YLPM1: variants seen among roughly 807,000 people sequenced by gnomAD.
YLPM1 encodes the protein YLP motif-containing protein 1.
YLPM1 carries 99 observed loss-of-function variants against 230.0 expected under a neutral mutation model. The observed-to-expected ratio is 0.43, with a 90% CI of 0.37 to 0.51. The LOEUF (loss-of-function observed/expected upper bound fraction) is 0.51, where lower values mean the gene tolerates loss of function less well. Ranked by LOEUF, YLPM1 falls within the 20% of genes least tolerant of loss-of-function variation. The pLI is 0.00. For missense variants in YLPM1, 2,592 were observed against 2,707.7 expected (o/e 0.96, Z 0.95); for synonymous variants, 984 against 942.5 (o/e 1.04, Z -0.81).
intron 6 of YLPM1, among the ~76,000 whole-genome samples, chr14:74,806,062 A>G (rs191007516): frequency 1.4e-3 from 214 of 150,638 alleles, no homozygotes; most frequent in African/African-American, 5.0e-3. Flanking sequence ...GCTCTCTATA[A>G]TAGTTGTATA....
chr14:74,825,246 C>T (rs918005954), intron 18 of YLPM1, among the ~76,000 whole-genome samples: 2 of 152,114 alleles, frequency 1.3e-5, no homozygotes, highest in Admixed American at 1.3e-4. Flanking sequence ...CAGAGGAGTG[C>T]ATTTTACATG....
rs376534379 is a variant in YLPM1, at chr14:74,794,332, C to T, written c.2283-3248C>T. On this transcript the variant is annotated intron_variant, in intron 4 of 20. Coordinates refer to ENST00000325680, the MANE Select transcript of YLPM1 (RefSeq NM_019589.3). ...CCGAGTAGCTGGGATTATAGGCACA[C>T]GCCACCATGCCCAGCTTAAGTTTTC... 3.0e-4 allele frequency among the ~76,000 whole-genome samples: 46 copies of T among 152,266 alleles called. 1 individual carries two copies. Among genetic ancestry groups the T allele is most frequent in the African/African-American group, 1.0e-3 (43 of 41,550 alleles).
Position 74,763,356 on chromosome 14 carries a change from G to T in YLPM1, c.-134G>T. 8.7e-7 allele frequency: 1 copy of T among 1,148,420 alleles called. No homozygotes were observed. The highest frequency in any genetic ancestry group is 3.1e-5 in the South Asian group (1 of 32,674). The allele number at this position is 1,148,420 out of a possible 1,614,324, so 71.1% of individuals were successfully genotyped here. On this transcript the variant is annotated 5_prime_UTR_variant, in exon 1 of 21. Transcript: ENST00000325680. Reference sequence around the variant, plus strand: ...CCCAGCTCGGGAGCGCCGGCGCACTGGCGCGCTCCGTTTACACGCTCCGGG... The same window carrying T: ...CCCAGCTCGGGAGCGCCGGCGCACTTGCGCGCTCCGTTTACACGCTCCGGG...
intron 4 of YLPM1, among the ~76,000 whole-genome samples, chr14:74,794,726 A>G (rs1051186090): frequency 6.6e-6 from 1 of 152,086 alleles, no homozygotes. Context: ...GTTAGATAAT[A>G]AGGAAGAAAA....
chr14:74,787,788 G>A (rs1163886195), intron 4 of YLPM1, among the ~76,000 whole-genome samples: 1 of 152,096 alleles, frequency 6.6e-6, no homozygotes, highest in Non-Finnish European at 1.5e-5. Flanking sequence ...GCCTAGGCGA[G>A]CGGATCACTT....
chr14:74,788,248 G>A (rs1013585549), intron 4 of YLPM1, among the ~76,000 whole-genome samples: 16 of 152,050 alleles, frequency 1.1e-4, no homozygotes, highest in African/African-American at 3.9e-4. Context: ...AGCCTCCCAA[G>A]TAGCTGGAAC....
At position 74,817,049 on chromosome 14, in the gene YLPM1, A is replaced by G. The variant is rs2091484420; in HGVS notation, c.5804A>G (p.Asn1935Ser). ...FFPFIILDAI[N>S]DRVRHFDQFW... Reference sequence around the variant, plus strand: ...CCCTTCATCATCCTGGATGCCATCAATGACAGAGTTAGGCATTTTGACCAG... The same window carrying G: ...CCCTTCATCATCCTGGATGCCATCAGTGACAGAGTTAGGCATTTTGACCAG... The change falls in exon 14 of 21, where the codon AAT becomes AGT. Residue 1935 changes from asparagine to serine, a missense_variant. Physicochemically the swap from Asn to Ser is conservative, Grantham distance 46. This residue lies in a region of YLPM1 where 315 missense variants were observed against 429.3 expected (regional missense o/e 0.73). Coordinates refer to ENST00000325680, the MANE Select transcript of YLPM1 (RefSeq NM_019589.3). The G allele has an allele frequency of 6.2e-7, 1 of 1,611,768 alleles. No individual in the cohort carries two copies. The highest frequency in any genetic ancestry group is 8.5e-7 in the Non-Finnish European group (1 of 1,179,128).
chr14:74,782,165 G>C lies in YLPM1; in HGVS notation c.2122G>C (p.Ala708Pro), dbSNP rs200321143. The change falls in exon 4 of 21, where the codon GCT becomes CCT. Residue 708 changes from alanine to proline, a missense_variant. Physicochemically the swap from Ala to Pro is conservative, Grantham distance 27. Coordinates refer to ENST00000325680, the MANE Select transcript of YLPM1 (RefSeq NM_019589.3). Reference sequence around the variant, plus strand: ...TTCAAAAGCTCCTTTGAGCAAGTCTGCTCTGCCATACAGTTCATTCTCATC... The same window carrying C: ...TTCAAAAGCTCCTTTGAGCAAGTCTCCTCTGCCATACAGTTCATTCTCATC... ...VNSKAPLSKS[A>P]LPYSSFSSDQ... is the part of the protein sequence containing the mutation. The C allele has an allele frequency of 2.7e-5, 43 of 1,612,146 alleles. No individual in the cohort carries two copies. The highest frequency in any genetic ancestry group is 3.4e-5 in the Non-Finnish European group (40 of 1,179,768).
At chr14:74,794,401 C>CG (rs891196772) in intron 4 of YLPM1, among the ~76,000 whole-genome samples, 8 of 152,300 alleles carry the variant, frequency 5.3e-5, no homozygotes, top group Admixed American at 5.2e-4. Flanking sequence ...AGGCTGGTCT[C>CG]TAACTCCTGA....
intron 12 of YLPM1, 37 bp downstream of exon 12, chr14:74,816,302 CT>C (rs749474524): frequency 6.3e-7 from 1 of 1,591,406 alleles, no homozygotes; most frequent in South Asian, 1.1e-5. Flanking sequence ...GCTGCTTGTG[CT>C]GCTTGTGTTA....
At chr14:74,810,842 C>T (rs149801437) in intron 9 of YLPM1, among the ~76,000 whole-genome samples, 46 of 152,148 alleles carry the variant, frequency 3.0e-4, no homozygotes, top group African/African-American at 9.9e-4. Flanking sequence ...TGTATGGAGA[C>T]GGGGTCTCTC....
intron 4 of YLPM1, among the ~76,000 whole-genome samples, chr14:74,796,434 T>C (rs2091261787): frequency 6.6e-6 from 1 of 152,260 alleles, no homozygotes; most frequent in South Asian, 2.1e-4. Context: ...TTCTGTCAGC[T>C]TGATTTCAGA....
chr14:74,827,850 A>G (rs2091577892), intron 18 of YLPM1: 1 of 985,272 alleles, frequency 1.0e-6, no homozygotes, highest in African/African-American at 1.7e-5. Context: ...ATCATGTATA[A>G]TACGGCCCGT....
chr14:74,782,245 G>C lies in YLPM1; in HGVS notation c.2202G>C (p.Val734=), dbSNP rs796759487. 5 of 1,596,206 alleles carry C rather than the reference G, an allele frequency of 3.1e-6. No homozygotes were observed. In the African/African-American group the frequency reaches 6.7e-5, roughly 21 times the overall value. The part of the protein sequence containing the change: ...SAAPSQPITA[V]KDMPVRSGGL... ...CTCCATCTCAGCCAATCACTGCAGT[G>C]AAGGACATGCCAGTGAGATCAGGTG... is the stretch of plus-strand genomic sequence containing the variant. The change falls in exon 4 of 21, where the codon GTG becomes GTC. Residue 734 remains valine, a synonymous_variant. Transcript: ENST00000325680.
intron 4 of YLPM1, among the ~76,000 whole-genome samples, chr14:74,787,145 G>T (rs1383035093): frequency 6.6e-6 from 1 of 151,734 alleles, no homozygotes; most frequent in African/African-American, 2.4e-5. Context: ...TTTTTGACTA[G>T]GTTTTATGTC....
At chr14:74,821,270 C>T in intron 17 of YLPM1, 133 bp downstream of exon 17, 1 of 1,284,508 alleles carries the variant, frequency 7.8e-7, no homozygotes, top group Non-Finnish European at 1.0e-6. Context: ...TAATCATCTT[C>T]AAGGAGACTT....
At chr14:74,774,527 TC>T (rs36010497) in intron 1 of YLPM1, among the ~76,000 whole-genome samples, 53,858 of 152,070 alleles carry the variant, frequency 0.35, 11,520 homozygotes, top group East Asian at 0.54. Context: ...TGCCTCAGCC[TC>T]CCAAGTAGCT....
At chr14:74,771,085 C>G (rs1271486593) in intron 1 of YLPM1, among the ~76,000 whole-genome samples, 1 of 152,010 alleles carries the variant, frequency 6.6e-6, no homozygotes. Context: ...GGATGGTGGT[C>G]AAATTTACTA....
intron 2 of YLPM1, 104 bp downstream of exon 2, chr14:74,778,787 G>A (rs1451620694): frequency 3.1e-6 from 3 of 973,826 alleles, no homozygotes; most frequent in Non-Finnish European, 4.5e-6. Flanking sequence ...TGTTTTTTTA[G>A]GTACCTATAA....
Sources: gnomAD v4.1 joint callset for allele counts (sites outside exome capture counted in the v4.1 genomes callset) on GRCh38, gnomAD v4.1.1 for gene constraint, gnomAD v4.1.1 regional missense constraint, MANE v1.5 for transcripts, NCBI Gene and HGNC (gene_info 2026-07-23, HGNC 2026-07-21) for gene names.